OR7E24: variants seen among roughly 807,000 people sequenced by gnomAD.
OR7E24 encodes the protein olfactory receptor family 7 subfamily E member 24, also known as olfactory receptor 7E24.
For missense variants in OR7E24, 385 were observed against 410.3 expected (o/e 0.94, Z 0.53); for synonymous variants, 130 against 157.5 (o/e 0.83, Z 1.31).
chr19:9,219,635 A>AG, the OR7E24 span: 1 of 152,330 alleles, frequency 6.6e-6, no homozygotes, highest in Non-Finnish European at 1.5e-5. Context: ...ATTACAGGTG[A>AG]GGTTGTTTAA....
the OR7E24 span, chr19:9,236,246 C>T: frequency 3.6e-6 from 2 of 551,714 alleles, no homozygotes; most frequent in Admixed American, 6.3e-5. Flanking sequence ...GGCACGGTGG[C>T]TTACACCTGT....
chr19:9,215,349 A>C, the OR7E24 span, among the ~76,000 whole-genome samples: 17 of 151,984 alleles, frequency 1.1e-4, no homozygotes, highest in African/African-American at 4.1e-4. Context: ...CTCAAAAAAA[A>C]AAAAAAAAAA....
chr19:9,243,470 A>C (rs1379760092), upstream of OR7E24, among the ~76,000 whole-genome samples: 1 of 151,670 alleles, frequency 6.6e-6, no homozygotes, highest in African/African-American at 2.4e-5. Context: ...CTGGGACTAC[A>C]GGCATGCATC....
chr19:9,235,913 G>T, the OR7E24 span: 1 of 1,608,118 alleles, frequency 6.2e-7, no homozygotes, highest in Non-Finnish European at 8.5e-7. Flanking sequence ...ACAGGACTTG[G>T]GGTCTATCTC....
At chr19:9,209,839 G>A in the OR7E24 span, 1 of 151,982 alleles carries the variant, frequency 6.6e-6, no homozygotes, top group Non-Finnish European at 1.5e-5. Flanking sequence ...ATTTTTATTA[G>A]AGACAGGGTT....
At chr19:9,232,769 CTGT>C in the OR7E24 span, among the ~76,000 whole-genome samples, 2 of 152,120 alleles carry the variant, frequency 1.3e-5, no homozygotes, top group African/African-American at 4.8e-5. Context: ...CCTTGTTTGT[CTGT>C]GTCCTTGATT....
chr19:9,235,473 G>A, the OR7E24 span: 12 of 1,600,490 alleles, frequency 7.5e-6, no homozygotes, highest in Non-Finnish European at 1.0e-5. Context: ...TTGCTGGAAT[G>A]GATACTTTCC....
At chr19:9,215,101 T>G in the OR7E24 span, among the ~76,000 whole-genome samples, 4 of 152,228 alleles carry the variant, frequency 2.6e-5, no homozygotes, top group South Asian at 8.3e-4. Context: ...TCCCAGCACT[T>G]TGGGAGGACA....
In OR7E24 at chr19:9,251,803, A is replaced by G; in HGVS notation, c.760A>G (p.Lys254Glu). ...AGTTCCAACATCAGATGGGAAGTATAAAGCCTTCTCCACCTGTGGCTCTCA... is the reference window on the plus strand; with the variant it reads ...AGTTCCAACATCAGATGGGAAGTATGAAGCCTTCTCCACCTGTGGCTCTCA... ...LRVPTSDGKY[K>E]AFSTCGSHLA... is the part of the protein sequence containing the mutation. The change falls in exon 1 of 1, where the codon AAA becomes GAA. Residue 254 changes from lysine to glutamate, a missense_variant. Lys to Glu is a moderately conservative substitution (Grantham distance 56). Coordinates refer to ENST00000456448, the MANE Select transcript of OR7E24 (RefSeq NM_001079935.2). 6.2e-7 allele frequency: 1 copy of G among 1,613,212 alleles called. No individual in the cohort carries two copies.
At chr19:9,227,974 C>T in the OR7E24 span, among the ~76,000 whole-genome samples, 2 of 151,594 alleles carry the variant, frequency 1.3e-5, no homozygotes, top group Admixed American at 6.6e-5. Context: ...GGGATGGTCT[C>T]GATCTCCTGA....
the OR7E24 span, among the ~76,000 whole-genome samples, chr19:9,227,143 G>A: frequency 1.7e-4 from 26 of 152,086 alleles, no homozygotes; most frequent in Admixed American, 1.6e-3. Context: ...AGAACATGCG[G>A]TATTTGCTTT....
chr19:9,224,771 A>T, the OR7E24 span, among the ~76,000 whole-genome samples: 1 of 152,086 alleles, frequency 6.6e-6, no homozygotes, highest in East Asian at 1.9e-4. Flanking sequence ...TCAAAACAAA[A>T]AAAAAAAAGA....
upstream of OR7E24, among the ~76,000 whole-genome samples, chr19:9,243,785 G>T (rs8103697): frequency 0.56 from 85,874 of 152,104 alleles, 29,353 homozygotes; most frequent in Non-Finnish European, 0.76. Context: ...ACCTCAGAGG[G>T]TTTATCTGAG....
chr19:9,244,545 T>G (rs1160757669), upstream of OR7E24, among the ~76,000 whole-genome samples: 1 of 152,192 alleles, frequency 6.6e-6, no homozygotes. Context: ...ATGCAAAAGT[T>G]AACACAAAAT....
the OR7E24 span, among the ~76,000 whole-genome samples, chr19:9,215,359 A>C: frequency 3.1e-4 from 44 of 143,142 alleles, no homozygotes; most frequent in South Asian, 1.1e-3. Flanking sequence ...AAAAAAAAAA[A>C]AAAAAACCTC....
At chr19:9,207,841 C>T in the OR7E24 span, 1 of 152,012 alleles carries the variant, frequency 6.6e-6, no homozygotes, top group African/African-American at 2.4e-5. Context: ...CACTGAAATT[C>T]GGTATACTTT....
At chr19:9,229,462 G>A in the OR7E24 span, among the ~76,000 whole-genome samples, 1 of 151,942 alleles carries the variant, frequency 6.6e-6, no homozygotes, top group Non-Finnish European at 1.5e-5. Context: ...TTGAACCTGG[G>A]AGGCAGAGGT....
At chr19:9,230,010 C>T in the OR7E24 span, among the ~76,000 whole-genome samples, 1 of 151,576 alleles carries the variant, frequency 6.6e-6, no homozygotes, top group Non-Finnish European at 1.5e-5. Context: ...CTAGACAGTC[C>T]CATATTTATT....
chr19:9,223,859 C>CA, the OR7E24 span, among the ~76,000 whole-genome samples: 1 of 148,454 alleles, frequency 6.7e-6, no homozygotes, highest in Non-Finnish European at 1.5e-5. Context: ...GGAGTCTTGG[C>CA]TTTTTTTTTC....
Sources: allele counts gnomAD v4.1 joint callset (sites outside exome capture counted in the v4.1 genomes callset), GRCh38; gene constraint gnomAD v4.1.1; transcripts MANE v1.5; gene names NCBI Gene and HGNC (gene_info 2026-07-23, HGNC 2026-07-21).